The following DOCK1 variants were observed in gnomAD, a reference collection of about 807,000 sequenced individuals.
DOCK1 encodes the protein dedicator of cytokinesis protein 1.
A neutral mutation model predicts 262.7 loss-of-function variants in DOCK1; 138 were observed. The ratio of observed to expected loss-of-function variants is 0.53; its 90% CI spans 0.46 to 0.61. The LOEUF is 0.61. Among genes scored for constraint, DOCK1 ranks in the 20% least tolerant of loss-of-function variants. The probability of loss-of-function intolerance (pLI) is 0.00; values close to 1 mark genes in which losing one functional copy is unlikely to be tolerated. For synonymous variants in DOCK1, 866 were observed against 867.4 expected (o/e 1.00, Z 0.03); for missense variants, 1,908 against 2,370.7 (o/e 0.80, Z 4.05).
chr10:127,445,564 A>G (rs2070483478), intron 50 of DOCK1, among the ~76,000 whole-genome samples: 1 of 152,246 alleles, frequency 6.6e-6, no homozygotes, highest in African/African-American at 2.4e-5. Flanking sequence ...TTGAAAACAG[A>G]CACCATCACT....
At chr10:126,918,956 A>AG (rs1564982350) in intron 1 of DOCK1, among the ~76,000 whole-genome samples, 1 of 139,094 alleles carries the variant, frequency 7.2e-6, no homozygotes, top group Non-Finnish European at 1.6e-5. Flanking sequence ...AGATGGGCAC[A>AG]GAGGATTTGG....
chr10:127,253,874 C>CCAA (rs1554931830), intron 28 of DOCK1, among the ~76,000 whole-genome samples: 5 of 101,470 alleles, frequency 4.9e-5, no homozygotes, highest in African/African-American at 1.8e-4. Context: ...GACCCTGTCT[C>CCAA]AAAAAAAAAA....
At chr10:126,906,459 TCTC>T (rs1221147314) in intron 1 of DOCK1, among the ~76,000 whole-genome samples, 3 of 152,176 alleles carry the variant, frequency 2.0e-5, no homozygotes, top group African/African-American at 7.2e-5. Flanking sequence ...CCGTGGCTAC[TCTC>T]CTGCTCTCCC....
intron 27 of DOCK1, among the ~76,000 whole-genome samples, chr10:127,146,753 C>T (rs1302369028): frequency 6.6e-6 from 1 of 152,192 alleles, no homozygotes; most frequent in Non-Finnish European, 1.5e-5. Context: ...GGAAAGGGCA[C>T]TTCCATGAAG....
intron 1 of DOCK1, among the ~76,000 whole-genome samples, chr10:126,942,323 G>A (rs1266890054): frequency 4.6e-5 from 7 of 152,048 alleles, no homozygotes; most frequent in Non-Finnish European, 1.0e-4. Flanking sequence ...GCGCCCAGCC[G>A]ATATTTGCTC....
intron 29 of DOCK1, among the ~76,000 whole-genome samples, chr10:127,277,325 T>A (rs1236380060): frequency 6.6e-6 from 1 of 152,236 alleles, no homozygotes; most frequent in Non-Finnish European, 1.5e-5. Flanking sequence ...TGACTTCCAA[T>A]AGATAAATAG....
intron 27 of DOCK1, among the ~76,000 whole-genome samples, chr10:127,158,874 A>C (rs2053331147): frequency 6.6e-6 from 1 of 152,158 alleles, no homozygotes; most frequent in Admixed American, 6.5e-5. Context: ...ACAGTGTTAA[A>C]AGTCCAAGGA....
At chr10:127,057,688 A>G (rs1344685661) in intron 22 of DOCK1, among the ~76,000 whole-genome samples, 1 of 152,170 alleles carries the variant, frequency 6.6e-6, no homozygotes, top group East Asian at 1.9e-4. Context: ...CAGAAAACAG[A>G]TATTCTGCAT....
chr10:126,909,519 C>T (rs1048513330), intron 1 of DOCK1, among the ~76,000 whole-genome samples: 1 of 152,146 alleles, frequency 6.6e-6, no homozygotes, highest in African/African-American at 2.4e-5. Flanking sequence ...TCTCTTGCAC[C>T]CTTGAGATCT....
intron 14 of DOCK1, among the ~76,000 whole-genome samples, chr10:127,023,992 T>A: frequency 6.6e-6 from 1 of 152,198 alleles, no homozygotes; most frequent in South Asian, 2.1e-4. Flanking sequence ...CCGGCGATCA[T>A]GAAGATCTGC....
At chr10:127,052,612 C>G in intron 21 of DOCK1, 69 bp from the exon 22 acceptor site, 1 of 1,605,860 alleles carries the variant, frequency 6.2e-7, no homozygotes, top group Non-Finnish European at 8.5e-7. Flanking sequence ...TTGTATATTT[C>G]CTTAGCAGTT....
At chr10:127,101,734 T>G (rs1053073638) in intron 23 of DOCK1, among the ~76,000 whole-genome samples, 1 of 152,202 alleles carries the variant, frequency 6.6e-6, no homozygotes, top group Non-Finnish European at 1.5e-5. Flanking sequence ...AAGGCCTGTC[T>G]TGTTTGTGGC....
At chr10:127,411,032 T>A in intron 43 of DOCK1, 108 bp downstream of exon 43, 1 of 1,078,804 alleles carries the variant, frequency 9.3e-7, no homozygotes, top group Non-Finnish European at 1.3e-6. Context: ...GGAGCCATAT[T>A]AAATGTCTTT....
intron 10 of DOCK1, among the ~76,000 whole-genome samples, chr10:127,003,174 A>C (rs1338933303): frequency 2.7e-5 from 4 of 150,894 alleles, no homozygotes; most frequent in Non-Finnish European, 4.4e-5. Flanking sequence ...ACCTGTGTGA[A>C]CCTCTAAGAA....
At chr10:127,167,717 G>T (rs746771684) in intron 27 of DOCK1, among the ~76,000 whole-genome samples, 1 of 151,974 alleles carries the variant, frequency 6.6e-6, no homozygotes, top group African/African-American at 2.4e-5. Context: ...CGCTACATCA[G>T]CTCCCCTGCC....
In DOCK1 at chr10:127,175,935, C is replaced by A. The variant is rs1295412166; in HGVS notation, c.2847+48171C>A. 10 of 1,614,228 alleles carry A rather than the reference C, an allele frequency of 6.2e-6. No homozygotes were observed. The highest frequency in any genetic ancestry group is 8.5e-6 in the Non-Finnish European group (10 of 1,180,052). ...ACATGGCCGGGCCTCCTCCATGGGTCCAGCCTCGTTCTTCTCTTTCGCATC... is the reference window on the plus strand; with the variant it reads ...ACATGGCCGGGCCTCCTCCATGGGTACAGCCTCGTTCTTCTCTTTCGCATC... On this transcript the variant is annotated intron_variant, in intron 27 of 51. Transcript: ENST00000623213. The surrounding 1 kb of genome is among the most constrained non-coding windows in gnomAD (Gnocchi z 6.3).
chr10:127,052,925 C>G, intron 22 of DOCK1, 110 bp downstream of exon 22: 9 of 1,464,508 alleles, frequency 6.1e-6, no homozygotes, highest in Non-Finnish European at 8.2e-6. Context: ...CTTCTTCCCC[C>G]TTTTTCCCCC....
intron 27 of DOCK1, among the ~76,000 whole-genome samples, chr10:127,191,863 T>C (rs2056781133): frequency 6.6e-6 from 1 of 152,220 alleles, no homozygotes; most frequent in African/African-American, 2.4e-5. Context: ...TCATCTCTGC[T>C]GAGATGGAGT....
intron 35 of DOCK1, among the ~76,000 whole-genome samples, chr10:127,379,273 C>T (rs760417493): frequency 5.9e-5 from 9 of 152,170 alleles, no homozygotes; most frequent in African/African-American, 1.2e-4. Context: ...CTCAACCAGA[C>T]GATATTTTCC....
Sources: gnomAD v4.1 joint callset for allele counts (sites outside exome capture counted in the v4.1 genomes callset) on GRCh38, gnomAD v4.1.1 for gene constraint, Gnocchi (gnomAD v3.1) non-coding constraint, MANE v1.5 for transcripts, NCBI Gene and HGNC (gene_info 2026-07-23, HGNC 2026-07-21) for gene names.